PDXDC1: variants seen among roughly 807,000 people sequenced by gnomAD.
The protein encoded by PDXDC1 is pyridoxal-dependent decarboxylase domain-containing protein 1.
Under a neutral mutation model 100.1 loss-of-function variants are expected in PDXDC1, and 42 were observed. The ratio of observed to expected loss-of-function variants is 0.42; its 90% CI spans 0.33 to 0.54. PDXDC1 has a LOEUF of 0.54. Ranked by LOEUF, PDXDC1 falls within the 20% of genes least tolerant of loss-of-function variation. The pLI, the probability that PDXDC1 is intolerant of heterozygous loss-of-function variation, is 0.10. For synonymous variants in PDXDC1, 260 were observed against 371.7 expected (o/e 0.70, Z 3.46); for missense variants, 636 against 979.2 (o/e 0.65, Z 4.68).
chr16:14,980,464 C>T (rs1039310415), intron 1 of PDXDC1, among the ~76,000 whole-genome samples: 18 of 152,374 alleles, frequency 1.2e-4, no homozygotes, highest in Admixed American at 7.8e-4. Context: ...TTTTGTGCCA[C>T]GCCCGGCTAA....
chr16:15,141,069 C>T (rs955022688), downstream of PDXDC1, among the ~76,000 whole-genome samples: 4 of 149,460 alleles, frequency 2.7e-5, no homozygotes, highest in African/African-American at 5.0e-5. Flanking sequence ...CCTGAGCACC[C>T]GCCCAGCCCC....
chr16:15,136,888 C>G lies in PDXDC1; in HGVS notation c.1400-1991C>G. The G allele has an allele frequency of 3.8e-6, 6 of 1,596,386 alleles. No individual in the cohort carries two copies. In the African/African-American group the frequency reaches 4.0e-5, roughly 11 times the overall value. ...ACTCACCTCGGGCCGGCTCCTCGCCCAGGGCCACGATGCTGTAGGCAGCCT... is the reference window on the plus strand; with the variant it reads ...ACTCACCTCGGGCCGGCTCCTCGCCGAGGGCCACGATGCTGTAGGCAGCCT... On this transcript the variant is annotated intron_variant, in intron 16 of 16. Coordinates refer to the PDXDC1 transcript ENST00000535621.
At chr16:15,061,992 T>A in intron 16 of PDXDC1, 1 of 1,286,720 alleles carries the variant, frequency 7.8e-7, no homozygotes, top group Non-Finnish European at 1.1e-6. Context: ...GGTGTTAACG[T>A]TTGTAAAGAT....
intron 13 of PDXDC1, among the ~76,000 whole-genome samples, chr16:15,024,860 C>G (rs1199039449): frequency 1.3e-5 from 2 of 152,308 alleles, no homozygotes; most frequent in Non-Finnish European, 2.9e-5. Context: ...CTTCATCACT[C>G]TTACTACTAT....
rs761803761 is a variant in PDXDC1, at chr16:14,997,760, A to T, written c.29A>T (p.Asp10Val). 3 of 1,608,902 alleles carry T rather than the reference A, an allele frequency of 1.9e-6. No individual in the cohort carries two copies. In the East Asian group the frequency reaches 6.7e-5, roughly 36 times the overall value. ...TTTTTTTTTGTTTCCCAGATAGCAG[A>T]CCCCACGTTAGCTGAAATGGGAAAA... MDASLEKIA[D>V]PTLAEMGKNL... The change falls in exon 2 of 23, where the codon GAC becomes GTC. Residue 10 changes from aspartate (D) to valine (V), a missense_variant. Transcript: ENST00000396410.
At chr16:15,086,134 A>C in intron 16 of PDXDC1, 1 of 1,603,192 alleles carries the variant, frequency 6.2e-7, no homozygotes, top group East Asian at 2.2e-5. Context: ...CTTACGAGGC[A>C]CAAAATGGGA....
At chr16:15,054,094 A>G (rs867077907) in intron 16 of PDXDC1, among the ~76,000 whole-genome samples, 2 of 152,214 alleles carry the variant, frequency 1.3e-5, no homozygotes, top group Non-Finnish European at 2.9e-5. Context: ...GAAACTGGCC[A>G]GGACACCCAC....
At chr16:15,116,507 CA>C (rs2047243470) in intron 16 of PDXDC1, among the ~76,000 whole-genome samples, 1 of 128,058 alleles carries the variant, frequency 7.8e-6, no homozygotes, top group African/African-American at 2.8e-5. Context: ...AAAAAATTAC[CA>C]AGGTGGAGAT....
At chr16:15,063,549 A>G (rs894189678) in intron 16 of PDXDC1, among the ~76,000 whole-genome samples, 18 of 152,098 alleles carry the variant, frequency 1.2e-4, no homozygotes, top group African/African-American at 4.3e-4. Flanking sequence ...TCTACTAAAA[A>G]TACAAAAAAT....
intron 8 of PDXDC1, among the ~76,000 whole-genome samples, chr16:15,013,196 A>G (rs1483072058): frequency 2.0e-5 from 3 of 152,178 alleles, no homozygotes; most frequent in Non-Finnish European, 4.4e-5. Context: ...GTAAATAAAT[A>G]AAACTTGCCA....
In PDXDC1 at chr16:15,081,097, C is replaced by T. The variant is rs189698004; in HGVS notation, c.1399+51041C>T. Among the ~76,000 whole-genome samples, 854 of 152,212 alleles carry T rather than the reference C, an allele frequency of 5.6e-3. 12 individuals are homozygous for T. Among genetic ancestry groups the T allele is most frequent in the Middle Eastern group, 0.014 (4 of 294 alleles). ...CATTGCTGAGTAATATTCCATTGTACCATGTTTTGTCTGTTCATCAGTTGA... is the reference window on the plus strand; with the variant it reads ...CATTGCTGAGTAATATTCCATTGTATCATGTTTTGTCTGTTCATCAGTTGA... On this transcript the variant is annotated intron_variant, in intron 16 of 16. Coordinates refer to the PDXDC1 transcript ENST00000535621.
chr16:15,025,092 G>A (rs1403790466), intron 13 of PDXDC1: 1 of 152,434 alleles, frequency 6.6e-6, no homozygotes, highest in Non-Finnish European at 1.5e-5. Flanking sequence ...GCCCAGCCAT[G>A]GTTTAACCTT....
chr16:15,085,039 C>G (rs932365747), intron 16 of PDXDC1, among the ~76,000 whole-genome samples: 1 of 152,064 alleles, frequency 6.6e-6, no homozygotes, highest in African/African-American at 2.4e-5. Flanking sequence ...ATACTCCAGC[C>G]TGGGCAACAG....
intron 16 of PDXDC1, chr16:15,071,172 G>A: frequency 6.2e-7 from 1 of 1,610,638 alleles, no homozygotes; most frequent in Non-Finnish European, 8.5e-7. Context: ...ATAATTTCCA[G>A]CAGCCTGCCT....
At chr16:15,148,657 T>G in the PDXDC1 span, among the ~76,000 whole-genome samples, 1 of 151,676 alleles carries the variant, frequency 6.6e-6, no homozygotes, top group Non-Finnish European at 1.5e-5. Flanking sequence ...CTGCTGGGAT[T>G]CCAGGCGTGA....
At chr16:15,131,113 A>G in intron 16 of PDXDC1, 2 of 1,607,048 alleles carry the variant, frequency 1.2e-6, no homozygotes, top group African/African-American at 1.3e-5. Flanking sequence ...GTTGAGCTGC[A>G]GATGCAGCAC....
chr16:15,083,436 A>T, intron 16 of PDXDC1: 1 of 1,575,928 alleles, frequency 6.3e-7, no homozygotes, highest in Non-Finnish European at 8.6e-7. Flanking sequence ...GAAAAGAAAG[A>T]AAAAGACCTA....
intron 16 of PDXDC1, chr16:15,121,882 C>T (rs1166004435): frequency 3.7e-5 from 7 of 191,566 alleles, no homozygotes; most frequent in South Asian, 6.3e-5. Context: ...CGGTGGCTCA[C>T]GCCTGTAATC....
chr16:14,983,255 T>C (rs370902188), intron 1 of PDXDC1, among the ~76,000 whole-genome samples: 1 of 152,288 alleles, frequency 6.6e-6, no homozygotes, highest in East Asian at 1.9e-4. Flanking sequence ...AGACTTTCTT[T>C]GTTATAGAGG....
Sources: allele counts gnomAD v4.1 joint callset (sites outside exome capture counted in the v4.1 genomes callset), GRCh38; gene constraint gnomAD v4.1.1; transcripts MANE v1.5; gene names NCBI Gene and HGNC (gene_info 2026-07-23, HGNC 2026-07-21).